Variants in PCSK5 observed in about 807,000 individuals in gnomAD.
PCSK5 encodes proprotein convertase subtilisin/kexin type 5.
Under a neutral mutation model 233.2 loss-of-function variants are expected in PCSK5, and 129 were observed. The observed-to-expected ratio is 0.55, with a 90% CI of 0.48 to 0.64. The LOEUF (loss-of-function observed/expected upper bound fraction) is 0.64, where lower values mean the gene tolerates loss of function less well. Ranked by LOEUF, PCSK5 falls within the 30% of genes least tolerant of loss-of-function variation. PCSK5 has a pLI of 0.00. For missense variants in PCSK5, 2,076 were observed against 2,430.1 expected, an observed-to-expected ratio of 0.85 and a Z score of 3.06; for synonymous variants, 825 against 879.2, an observed-to-expected ratio of 0.94 and a Z score of 1.09.
chr9:76,299,336 T>C (rs1185943716), intron 27 of PCSK5, among the ~76,000 whole-genome samples: 3 of 152,204 alleles, frequency 2.0e-5, no homozygotes, highest in Non-Finnish European at 4.4e-5. Context: ...ACTAGTATAT[T>C]GTGACAATTA....
intron 7 of PCSK5, among the ~76,000 whole-genome samples, chr9:76,074,392 C>G (rs914278382): frequency 6.6e-6 from 1 of 152,128 alleles, no homozygotes; most frequent in Non-Finnish European, 1.5e-5. Context: ...AAACCATTTG[C>G]TTTTAGAGTT....
chr9:76,116,543 TC>T (rs1832432275), intron 9 of PCSK5, among the ~76,000 whole-genome samples: 1 of 151,970 alleles, frequency 6.6e-6, no homozygotes, highest in Non-Finnish European at 1.5e-5. Flanking sequence ...TTGCCATTGT[TC>T]CCCCTTGAGT....
At chr9:76,273,096 T>A (rs1394993200) in intron 24 of PCSK5, among the ~76,000 whole-genome samples, 1 of 152,162 alleles carries the variant, frequency 6.6e-6, no homozygotes, top group Non-Finnish European at 1.5e-5. Context: ...ATCATCTCTG[T>A]AGATTCAGCT....
intron 2 of PCSK5, among the ~76,000 whole-genome samples, chr9:75,963,924 T>C (rs550297857): frequency 8.5e-5 from 13 of 152,308 alleles, no homozygotes; most frequent in African/African-American, 3.1e-4. Context: ...GTATACCATA[T>C]AGTGGAAAAA....
chr9:75,995,293 A>G (rs970681315), intron 3 of PCSK5, among the ~76,000 whole-genome samples: 1 of 152,180 alleles, frequency 6.6e-6, no homozygotes, highest in Non-Finnish European at 1.5e-5. Context: ...AAAAATCATC[A>G]TGGAAACCTT....
intron 5 of PCSK5, among the ~76,000 whole-genome samples, chr9:76,040,241 T>C (rs1401205122): frequency 6.6e-6 from 1 of 152,144 alleles, no homozygotes; most frequent in Non-Finnish European, 1.5e-5. Flanking sequence ...GCACAGGCCA[T>C]GTGATCCAGA....
At chr9:76,174,293 A>G (rs1346618851) in intron 13 of PCSK5, among the ~76,000 whole-genome samples, 2 of 151,898 alleles carry the variant, frequency 1.3e-5, no homozygotes, top group African/African-American at 4.8e-5. Context: ...AACAAGTCAG[A>G]TAATGCCAAA....
chr9:75,911,952 TAGA>T (rs1564076989), intron 1 of PCSK5, among the ~76,000 whole-genome samples: 1 of 152,162 alleles, frequency 6.6e-6, no homozygotes, highest in Non-Finnish European at 1.5e-5. Flanking sequence ...CATCTCTTGA[TAGA>T]AGGAGTTGCA....
At chr9:76,282,587 G>A (rs1827917147) in intron 24 of PCSK5, among the ~76,000 whole-genome samples, 1 of 151,784 alleles carries the variant, frequency 6.6e-6, no homozygotes, top group Non-Finnish European at 1.5e-5. Flanking sequence ...CAAAGTGTTG[G>A]GATTACAGGT....
intron 33 of PCSK5, among the ~76,000 whole-genome samples, chr9:76,328,493 C>G (rs1829436415): frequency 1.3e-5 from 2 of 152,162 alleles, no homozygotes; most frequent in South Asian, 4.1e-4. Context: ...GGCTCTCTCC[C>G]CCCTTCTCAC....
At chr9:76,167,289 T>A (rs10046791) in intron 12 of PCSK5, among the ~76,000 whole-genome samples, 2,399 of 152,280 alleles carry the variant, frequency 0.016, 71 homozygotes, top group African/African-American at 0.054. Context: ...ACTTTGAAAA[T>A]CACTGCCTCC....
intron 12 of PCSK5, among the ~76,000 whole-genome samples, chr9:76,169,258 T>C (rs1011608780): frequency 1.3e-5 from 2 of 152,210 alleles, no homozygotes; most frequent in Non-Finnish European, 2.9e-5. Flanking sequence ...TTATCTTGTT[T>C]AAATAGGTAG....
chr9:76,243,989 C>T (rs892816549), intron 24 of PCSK5, among the ~76,000 whole-genome samples: 6 of 152,158 alleles, frequency 3.9e-5, no homozygotes, highest in African/African-American at 1.4e-4. Context: ...TTTGAAAGGC[C>T]AAGGTGGGCA....
chr9:76,020,568 G>T (rs1315834929), intron 3 of PCSK5, among the ~76,000 whole-genome samples: 1 of 152,166 alleles, frequency 6.6e-6, no homozygotes, highest in Non-Finnish European at 1.5e-5. Flanking sequence ...GAAAGCATCA[G>T]TTGGATATTT....
chr9:76,169,409 A>G (rs1331387), intron 12 of PCSK5, among the ~76,000 whole-genome samples: 100,841 of 151,774 alleles, frequency 0.66, 33,592 homozygotes, highest in South Asian at 0.76. Flanking sequence ...TCAATACTCT[A>G]CTGTCAGTCT....
rs1197978437 is a variant in PCSK5 at position 75,890,860 on chromosome 9, C to G, written c.-322C>G. ...CGAGTCGGAGAGTCCGGGAGCCAAG[C>G]CGGGCGAAACCCAACTGCGGAGGAC... On this transcript the variant is annotated 5_prime_UTR_variant, in exon 1 of 38. Coordinates refer to ENST00000674117, the MANE Select transcript of PCSK5 (RefSeq NM_001372043.1). 7.5e-6 allele frequency: 2 copies of G among 266,664 alleles called. No individual in the cohort carries two copies. Among genetic ancestry groups the G allele is most frequent in the African/African-American group, 4.4e-5 (2 of 45,466 alleles). The allele number at this position is 266,664 out of a possible 1,614,324, so 16.5% of individuals were successfully genotyped here. A position where few individuals can be genotyped will look rare whatever the true frequency, so the allele number is the denominator to read the frequency against.
At chr9:75,974,285 A>G (rs918658761) in intron 2 of PCSK5, among the ~76,000 whole-genome samples, 1 of 152,166 alleles carries the variant, frequency 6.6e-6, no homozygotes, top group East Asian at 1.9e-4. Flanking sequence ...CGGTGCACTC[A>G]TTCATCAGGC....
At chr9:76,022,484 C>T (rs1402286115) in intron 3 of PCSK5, among the ~76,000 whole-genome samples, 1 of 151,872 alleles carries the variant, frequency 6.6e-6, no homozygotes, top group Non-Finnish European at 1.5e-5. Flanking sequence ...TAGGGAAAGA[C>T]CTGGGGTGGC....
At chr9:76,134,466 C>T (rs1010623981) in intron 10 of PCSK5, among the ~76,000 whole-genome samples, 4 of 151,868 alleles carry the variant, frequency 2.6e-5, no homozygotes, top group African/African-American at 4.8e-5. Flanking sequence ...CATGTATAGT[C>T]GGCCTATGGG....
Sources: allele counts gnomAD v4.1 joint callset (sites outside exome capture counted in the v4.1 genomes callset), GRCh38; gene constraint gnomAD v4.1.1; transcripts MANE v1.5; gene names NCBI Gene and HGNC (gene_info 2026-07-23, HGNC 2026-07-21).